Variants in LRRIQ3 observed in about 807,000 individuals in gnomAD.
LRRIQ3 encodes leucine-rich repeat and IQ domain-containing protein 3.
In LRRIQ3, 75 loss-of-function variants were observed where a neutral mutation model predicts 59.3. The ratio of observed to expected loss-of-function variants is 1.26; its 90% CI spans 1.05 to 1.53. The LOEUF (loss-of-function observed/expected upper bound fraction) is 1.53, where lower values mean the gene tolerates loss of function less well. LRRIQ3 is among the 40% of genes most tolerant of loss of function. The pLI, the probability that LRRIQ3 is intolerant of heterozygous loss-of-function variation, is 0.00. For synonymous variants in LRRIQ3, 250 were observed against 231.3 expected (o/e 1.08, Z -0.73); for missense variants, 831 against 710.0 (o/e 1.17, Z -1.94).
At chr1:74,185,669 C>T (rs563396293) in intron 1 of LRRIQ3, among the ~76,000 whole-genome samples, 34 of 152,162 alleles carry the variant, frequency 2.2e-4, no homozygotes, top group Non-Finnish European at 3.7e-4. Flanking sequence ...AAGGGCCGGG[C>T]GCAGTGGCTC....
At chr1:74,061,453 A>G (rs938305570) in intron 6 of LRRIQ3, among the ~76,000 whole-genome samples, 22 of 152,184 alleles carry the variant, frequency 1.4e-4, no homozygotes, top group African/African-American at 4.8e-4. Flanking sequence ...TAAAATTCGT[A>G]TGGAACCAAA....
intron 5 of LRRIQ3, among the ~76,000 whole-genome samples, chr1:74,098,645 T>C (rs1398163090): frequency 1.3e-5 from 2 of 152,128 alleles, no homozygotes; most frequent in Non-Finnish European, 1.5e-5. Flanking sequence ...ATTGACCATA[T>C]AGTTGCAAGT....
chr1:74,169,259 T>C (rs1490657258), intron 3 of LRRIQ3, among the ~76,000 whole-genome samples: 1 of 152,120 alleles, frequency 6.6e-6, no homozygotes, highest in Admixed American at 6.6e-5. Context: ...GATTTCCTTC[T>C]TTTTTTAAGG....
chr1:74,172,557 C>T (rs1649390542), intron 3 of LRRIQ3, among the ~76,000 whole-genome samples: 1 of 152,076 alleles, frequency 6.6e-6, no homozygotes, highest in African/African-American at 2.4e-5. Flanking sequence ...TATTATATTA[C>T]TGCTGGATTC....
intron 4 of LRRIQ3, among the ~76,000 whole-genome samples, chr1:74,137,237 C>T (rs1479128014): frequency 1.3e-5 from 2 of 151,878 alleles, no homozygotes; most frequent in African/African-American, 4.8e-5. Context: ...TAAATTGCTA[C>T]TGCAGATTTT....
intron 1 of LRRIQ3, among the ~76,000 whole-genome samples, chr1:74,194,200 G>C (rs754227240): frequency 6.6e-6 from 1 of 151,880 alleles, no homozygotes; most frequent in Non-Finnish European, 1.5e-5. Flanking sequence ...ATGGGTGAAA[G>C]GTTGTCTCTA....
rs961978823 is a variant in LRRIQ3, at chr1:74,074,673, G to C, written c.985C>G (p.Leu329Val). Reference sequence around the variant, plus strand: ...TCATATAACTAACCTTTTTGAATGAGATGTCTTGATGTTTTTGATTTCATG... The same window carrying C: ...TCATATAACTAACCTTTTTGAATGACATGTCTTGATGTTTTTGATTTCATG... ...LGMKSKTSRHLIQKGQESEDE... is the reference protein window; with the variant it reads ...LGMKSKTSRHVIQKGQESEDE... Residue 329 changes from leucine (L) to valine (V), a missense_variant, in exon 6 of 8, where the codon CTC becomes GTC. Transcript: ENST00000354431. The C allele has an allele frequency of 7.4e-7, 1 of 1,354,986 alleles. No individual in the cohort carries two copies. The allele number at this position is 1,354,986 out of a possible 1,614,324, so 83.9% of individuals were successfully genotyped here.
At chr1:74,043,853 A>G (rs905122470) in intron 6 of LRRIQ3, among the ~76,000 whole-genome samples, 5 of 152,064 alleles carry the variant, frequency 3.3e-5, no homozygotes, top group African/African-American at 1.2e-4. Context: ...ACCAGAAAAG[A>G]GCGACATATT....
intron 4 of LRRIQ3, among the ~76,000 whole-genome samples, chr1:74,155,309 C>T (rs1048778485): frequency 6.6e-6 from 1 of 152,112 alleles, no homozygotes; most frequent in Non-Finnish European, 1.5e-5. Context: ...ATTTGCAAAG[C>T]TTAGCTACTG....
At chr1:74,029,458 T>G (rs1034937528) in intron 7 of LRRIQ3, among the ~76,000 whole-genome samples, 2 of 152,126 alleles carry the variant, frequency 1.3e-5, no homozygotes, top group South Asian at 2.1e-4. Context: ...GAGATAATCA[T>G]GTGGTTTTTG....
chr1:74,050,863 T>A (rs1480721501), intron 6 of LRRIQ3, among the ~76,000 whole-genome samples: 1 of 152,178 alleles, frequency 6.6e-6, no homozygotes, highest in African/African-American at 2.4e-5. Context: ...ATGGTTGCAA[T>A]TTCTTCCTAT....
chr1:74,186,399 G>C (rs1650381061), intron 1 of LRRIQ3, among the ~76,000 whole-genome samples: 1 of 151,984 alleles, frequency 6.6e-6, no homozygotes, highest in African/African-American at 2.4e-5. Flanking sequence ...AGATATATTA[G>C]AGAATTTTCC....
Position 74,155,871 on chromosome 1 carries a change from A to G in LRRIQ3, c.574-5T>C. 7.9e-7 allele frequency: 1 copy of G among 1,273,862 alleles called. No individual in the cohort carries two copies. The highest frequency in any genetic ancestry group is 1.1e-6 in the Non-Finnish European group (1 of 945,784). The allele number at this position is 1,273,862 out of a possible 1,614,324, so 78.9% of individuals were successfully genotyped here. On this transcript the variant is annotated splice_region_variant and splice_polypyrimidine_tract_variant and intron_variant, in intron 3 of 7. Coordinates refer to ENST00000354431, the MANE Select transcript of LRRIQ3 (RefSeq NM_001105659.2). ...TTCCTCTTCATAGGTTGTTCCCTGT[A>G]TAAAGAAAATATAATTAATAATTTT...
Position 74,074,674 on chromosome 1 carries a change from A to C in LRRIQ3, c.984T>G (p.His328Gln). 2 of 1,360,320 alleles carry C rather than the reference A, an allele frequency of 1.5e-6. No homozygotes were observed. The highest frequency in any genetic ancestry group is 1.9e-6 in the Non-Finnish European group (2 of 1,028,786). The allele number at this position is 1,360,320 out of a possible 1,614,324, so 84.3% of individuals were successfully genotyped here. A position where few individuals can be genotyped will look rare whatever the true frequency, so the allele number is the denominator to read the frequency against. ...DLGMKSKTSR[H>Q]LIQKGQESED... ...CATATAACTAACCTTTTTGAATGAG[A>C]TGTCTTGATGTTTTTGATTTCATGC... The change falls in exon 6 of 8, where the codon CAT becomes CAG. Residue 328 changes from histidine to glutamine, a missense_variant. His to Gln is a conservative substitution (Grantham distance 24). Transcript: ENST00000354431.
At chr1:74,120,105 T>G (rs1646831270) in intron 4 of LRRIQ3, among the ~76,000 whole-genome samples, 1 of 151,752 alleles carries the variant, frequency 6.6e-6, no homozygotes, top group Admixed American at 6.6e-5. Flanking sequence ...TCACATAGGA[T>G]ATTTATTTTT....
At chr1:74,071,198 G>A (rs551461648) in intron 6 of LRRIQ3, among the ~76,000 whole-genome samples, 140 of 151,634 alleles carry the variant, frequency 9.2e-4, no homozygotes, top group Non-Finnish European at 1.8e-3. Flanking sequence ...TTAGAGACAG[G>A]GTCTCGCTGT....
At chr1:74,188,640 A>G (rs1408935770) in intron 1 of LRRIQ3, among the ~76,000 whole-genome samples, 1 of 152,118 alleles carries the variant, frequency 6.6e-6, no homozygotes, top group African/African-American at 2.4e-5. Context: ...CCACTAAATT[A>G]TATGTACCCT....
At chr1:74,091,591 A>G (rs1646395209) in intron 5 of LRRIQ3, among the ~76,000 whole-genome samples, 2 of 152,210 alleles carry the variant, frequency 1.3e-5, no homozygotes, top group South Asian at 4.1e-4. Flanking sequence ...TCAAAGAGAA[A>G]CCAAAAACAA....
At chr1:74,052,781 C>T (rs1004269385) in intron 6 of LRRIQ3, among the ~76,000 whole-genome samples, 3 of 152,022 alleles carry the variant, frequency 2.0e-5, no homozygotes, top group African/African-American at 4.8e-5. Context: ...TCTGCAGTTC[C>T]TTTTTTTCAT....
Sources: gnomAD v4.1 joint callset for allele counts (sites outside exome capture counted in the v4.1 genomes callset) on GRCh38, gnomAD v4.1.1 for gene constraint, MANE v1.5 for transcripts, NCBI Gene and HGNC (gene_info 2026-07-23, HGNC 2026-07-21) for gene names.